IFT81: variants seen among roughly 807,000 people sequenced by gnomAD.
The protein encoded by IFT81 is intraflagellar transport protein 81 homolog.
Under a neutral mutation model 102.6 loss-of-function variants are expected in IFT81, and 72 were observed. The ratio of observed to expected loss-of-function variants is 0.70; its 90% CI spans 0.58 to 0.85. IFT81 has a LOEUF of 0.85. IFT81 is among the 40% of genes least tolerant of loss of function. The pLI is 0.00. For synonymous variants in IFT81, 237 were observed against 242.7 expected (o/e 0.98, Z 0.22); for missense variants, 723 against 787.3 (o/e 0.92, Z 0.98).
At chr12:110,162,177 G>A (rs1896168492) in intron 10 of IFT81, among the ~76,000 whole-genome samples, 1 of 152,096 alleles carries the variant, frequency 6.6e-6, no homozygotes, top group Non-Finnish European at 1.5e-5. Context: ...GATGACCTGT[G>A]TTGTAGTTTT....
intron 11 of IFT81, chr12:110,169,080 C>CCTTCCTTCCTTCCTCT: frequency 9.1e-6 from 1 of 110,366 alleles, no homozygotes; most frequent in Admixed American, 9.3e-5. Flanking sequence ...TTCCTTCCTT[C>CCTTCCTTCCTTCCTCT]CTCTCTCTCT....
At chr12:110,207,161 G>A (rs2137593037) in intron 17 of IFT81, among the ~76,000 whole-genome samples, 1 of 152,118 alleles carries the variant, frequency 6.6e-6, no homozygotes. Context: ...CTCCCAAGTA[G>A]CTGGGATTAC....
chr12:110,170,015 C>T (rs941666895), intron 11 of IFT81, among the ~76,000 whole-genome samples: 1 of 151,410 alleles, frequency 6.6e-6, no homozygotes, highest in African/African-American at 2.4e-5. Context: ...TGCAGTGGTG[C>T]GATCTTGGCT....
rs1186374130 is a variant in IFT81 at position 110,209,209 on chromosome 12, T to C, written c.1841T>C (p.Leu614Pro). 1.3e-6 allele frequency: 2 copies of C among 1,532,202 alleles called. No homozygotes were observed. Among genetic ancestry groups the C allele is most frequent in the East Asian group, 2.3e-5 (1 of 44,110 alleles). 94.9% of individuals were successfully genotyped at this position (1,532,202 alleles called of 1,614,324 possible). ...AAAAATACTGCTGAACAAGAAAACC[T>C]TGGAAAGGTAAGAATTATTATTTAT... is the stretch of plus-strand genomic sequence containing the variant. ...YTKNTAEQEN[L>P]GKKLREKQKV... The change falls in exon 18 of 19, where the codon CTT becomes CCT. Residue 614 changes from leucine (L) to proline (P), a missense_variant. Leu to Pro is a moderately conservative substitution (Grantham distance 98, BLOSUM62 -3). Coordinates refer to ENST00000242591, the MANE Select transcript of IFT81 (RefSeq NM_014055.4).
In IFT81 at chr12:110,147,194, T is replaced by G. The variant is rs1027312401; in HGVS notation, c.1041+146T>G. 7 of 540,234 alleles carry G rather than the reference T, an allele frequency of 1.3e-5. No individual in the cohort carries two copies. In the Admixed American group the frequency reaches 2.8e-4, roughly 22 times the overall value. 33.5% of individuals were successfully genotyped at this position (540,234 alleles called of 1,614,324 possible). ...CTAATCTCCATAGTATATCAAAGAA[T>G]TAGTGGAAAAGCCACAAAAGATGCT... On this transcript the variant is annotated intron_variant, in intron 10 of 18. Transcript: ENST00000242591.
At chr12:110,202,949 C>T (rs1898370852) in intron 14 of IFT81, among the ~76,000 whole-genome samples, 1 of 152,104 alleles carries the variant, frequency 6.6e-6, no homozygotes, top group African/African-American at 2.4e-5. Context: ...GGTCTTCAGC[C>T]TCCCCTCACC....
chr12:110,216,408 AG>A, intron 18 of IFT81: 1 of 420,412 alleles, frequency 2.4e-6, no homozygotes, highest in South Asian at 1.7e-5. Flanking sequence ...TTACCCAGGC[AG>A]GCCTTGAACT....
chr12:110,127,910 G>T, intron 2 of IFT81, 136 bp from the exon 3 acceptor site: 2 of 625,350 alleles, frequency 3.2e-6, no homozygotes, highest in South Asian at 2.1e-5. Context: ...GAATCTGGGG[G>T]CCTCCATCCT....
At chr12:110,131,118 C>T (rs527766438) in intron 4 of IFT81, among the ~76,000 whole-genome samples, 196 of 151,694 alleles carry the variant, frequency 1.3e-3, no homozygotes, top group African/African-American at 4.5e-3. Flanking sequence ...CCCATCTCTA[C>T]AAAAGATAAA....
chr12:110,131,033 A>G (rs1420025804), intron 4 of IFT81, among the ~76,000 whole-genome samples: 3 of 152,144 alleles, frequency 2.0e-5, no homozygotes, highest in Non-Finnish European at 4.4e-5. Context: ...CTTTAATCCT[A>G]GCACTTTGGG....
intron 12 of IFT81, among the ~76,000 whole-genome samples, chr12:110,182,158 A>G (rs1897331711): frequency 6.6e-6 from 1 of 152,184 alleles, no homozygotes; most frequent in Non-Finnish European, 1.5e-5. Flanking sequence ...CAGTTTGCAA[A>G]TGAGGTCTGA....
At chr12:110,204,053 C>T in intron 15 of IFT81, 103 bp downstream of exon 15, 3 of 728,254 alleles carry the variant, frequency 4.1e-6, no homozygotes, top group Non-Finnish European at 7.0e-6. Flanking sequence ...TTGCTTGAGC[C>T]TAGGAGTTTG....
intron 11 of IFT81, among the ~76,000 whole-genome samples, chr12:110,173,381 A>C (rs1896876757): frequency 6.7e-6 from 1 of 148,966 alleles, no homozygotes. Flanking sequence ...CTCGTCCGGG[A>C]GGTGAGGGGC....
intron 14 of IFT81, 128 bp downstream of exon 14, chr12:110,192,834 C>T (rs548173291): frequency 4.7e-5 from 26 of 555,488 alleles, no homozygotes; most frequent in South Asian, 2.1e-4. Context: ...ATCATTATTA[C>T]GTTATTGATA....
Position 110,127,450 on chromosome 12 carries a change from A to G in IFT81, c.70A>G (p.Ile24Val), listed in dbSNP as rs1355936380. ...KEPFRKNYNL[I>V]TFDSLEPMQL... ...GCCCTTTAGGAAGAACTATAATTTA[A>G]TCACGTTTGATTCCTTGGAGCCAAT... Residue 24 changes from isoleucine (I) to valine (V), a missense_variant, in exon 2 of 19, where the codon ATC becomes GTC. Ile to Val is a conservative substitution (Grantham distance 29, BLOSUM62 3). Coordinates refer to ENST00000242591, the MANE Select transcript of IFT81 (RefSeq NM_014055.4). 6.2e-7 allele frequency: 1 copy of G among 1,609,534 alleles called. No individual in the cohort carries two copies. Among genetic ancestry groups the G allele is most frequent in the East Asian group, 2.2e-5 (1 of 44,762 alleles).
chr12:110,172,512 G>T (rs1012964725), intron 11 of IFT81, among the ~76,000 whole-genome samples: 1 of 152,042 alleles, frequency 6.6e-6, no homozygotes, highest in African/African-American at 2.4e-5. Context: ...TCAGCCTGCC[G>T]AGTGCCTGCA....
Position 110,146,804 on chromosome 12 carries a change from T to TA in IFT81, c.946-139dup, listed in dbSNP as rs199565962. The TA allele has an allele frequency of 6.3e-3, 5,707 of 903,872 alleles. 19 individuals carry two copies. Among genetic ancestry groups the TA allele is most frequent in the African/African-American group, 0.024 (1,366 of 57,502 alleles). 56.0% of individuals were successfully genotyped at this position (903,872 alleles called of 1,614,324 possible). On this transcript the variant is annotated intron_variant, in intron 9 of 18. Coordinates refer to ENST00000242591, the MANE Select transcript of IFT81 (RefSeq NM_014055.4). ...GGCAACATAGCAAGACCCCATCTCT[T>TA]AAAAAAAAAATTAGTCTAGGTGAAA... is the stretch of plus-strand genomic sequence containing the variant.
intron 12 of IFT81, among the ~76,000 whole-genome samples, chr12:110,186,997 CTG>C (rs1897564387): frequency 6.6e-6 from 1 of 150,956 alleles, no homozygotes; most frequent in Non-Finnish European, 1.5e-5. Flanking sequence ...GTGATTCAAT[CTG>C]TATTTTTTTC....
intron 6 of IFT81, 98 bp downstream of exon 6, chr12:110,135,111 C>A: frequency 1.1e-6 from 1 of 937,868 alleles, no homozygotes; most frequent in Non-Finnish European, 1.7e-6. Context: ...CATGAGTGTA[C>A]ATCTGAGGAT....
Sources: gnomAD v4.1 joint callset for allele counts (sites outside exome capture counted in the v4.1 genomes callset) on GRCh38, gnomAD v4.1.1 for gene constraint, MANE v1.5 for transcripts, NCBI Gene and HGNC (gene_info 2026-07-23, HGNC 2026-07-21) for gene names.